MAGI2: variants seen among roughly 807,000 people sequenced by gnomAD.
The protein encoded by MAGI2 is membrane associated guanylate kinase, WW and PDZ domain containing 2, also known as membrane-associated guanylate kinase, WW and PDZ domain-containing protein 2.
A neutral mutation model predicts 133.3 loss-of-function variants in MAGI2; 35 were observed. The observed-to-expected ratio is 0.26, with a 90% CI of 0.20 to 0.35. The LOEUF (loss-of-function observed/expected upper bound fraction) is 0.35, where lower values mean the gene tolerates loss of function less well. MAGI2 is among the 10% of genes least tolerant of loss of function. The pLI, the probability that MAGI2 is intolerant of heterozygous loss-of-function variation, is 1.00. For synonymous variants in MAGI2, 729 were observed against 710.6 expected (o/e 1.03, Z -0.41); for missense variants, 1,636 against 1,863.4 (o/e 0.88, Z 2.25).
At chr7:78,986,137 A>G (rs1233317737) in intron 2 of MAGI2, among the ~76,000 whole-genome samples, 2 of 152,116 alleles carry the variant, frequency 1.3e-5, no homozygotes, top group Non-Finnish European at 2.9e-5. Context: ...AACACTACTT[A>G]GCACTTAGCT....
At chr7:78,785,323 G>A (rs530285413) in intron 2 of MAGI2, among the ~76,000 whole-genome samples, 3 of 152,286 alleles carry the variant, frequency 2.0e-5, no homozygotes, top group African/African-American at 7.2e-5. Flanking sequence ...ACAAAATGGA[G>A]ATTGGATCAT....
chr7:78,645,706 T>C (rs73378284), intron 2 of MAGI2, among the ~76,000 whole-genome samples: 4,358 of 151,734 alleles, frequency 0.029, 196 homozygotes, highest in African/African-American at 0.1. Flanking sequence ...TGTGTCCAAG[T>C]TGTTTATAGA....
At chr7:78,757,182 A>G (rs1824031538) in intron 2 of MAGI2, among the ~76,000 whole-genome samples, 1 of 152,084 alleles carries the variant, frequency 6.6e-6, no homozygotes, top group Non-Finnish European at 1.5e-5. Flanking sequence ...TGTTAATATG[A>G]ATGAATAGAC....
At position 78,491,967 on chromosome 7, in the gene MAGI2, C is replaced by A. The variant is rs181193661; in HGVS notation, c.966-2127G>T. Among the ~76,000 whole-genome samples, 10 of 150,040 alleles carry A rather than the reference C, an allele frequency of 6.7e-5. No individual in the cohort carries two copies. In the East Asian group the frequency reaches 2.0e-3, roughly 30 times the overall value. ...GTGGGGAGAAATCTTGGGAAGTAAG[C>A]AAGGAAAATACATTTCTCTTCCTTT... On this transcript the variant is annotated intron_variant, in intron 5 of 21. Coordinates refer to ENST00000354212, the MANE Select transcript of MAGI2 (RefSeq NM_012301.4).
intron 2 of MAGI2, among the ~76,000 whole-genome samples, chr7:78,982,713 G>C (rs1300178699): frequency 6.8e-6 from 1 of 147,804 alleles, no homozygotes; most frequent in Non-Finnish European, 1.5e-5. Context: ...TGAAAGCCAG[G>C]AAGGAACACC....
intron 3 of MAGI2, among the ~76,000 whole-genome samples, chr7:78,600,691 A>G (rs912991766): frequency 6.6e-6 from 1 of 152,170 alleles, no homozygotes; most frequent in African/African-American, 2.4e-5. Flanking sequence ...TAATTAAAGC[A>G]TCGGTGAATT....
Position 78,878,186 on chromosome 7 carries a change from A to G in MAGI2, c.418+128904T>C, listed in dbSNP as rs190928783. Among the ~76,000 whole-genome samples the G allele has an allele frequency of 3.9e-5, 6 of 152,350 alleles. No homozygotes were observed. The East Asian group carries it at 1.2e-3, about 29-fold the overall frequency. Reference sequence around the variant, plus strand: ...ATCAATATATGTTTATTTTTGCTTCATATATGCCTGACTCAATGAATGAAT... The same window carrying G: ...ATCAATATATGTTTATTTTTGCTTCGTATATGCCTGACTCAATGAATGAAT... On this transcript the variant is annotated intron_variant, in intron 2 of 21. Coordinates refer to ENST00000354212, the MANE Select transcript of MAGI2 (RefSeq NM_012301.4).
At chr7:78,038,620 G>A (rs2428933) in intron 21 of MAGI2, among the ~76,000 whole-genome samples, 89,278 of 152,000 alleles carry the variant, frequency 0.59, 27,446 homozygotes, top group African/African-American at 0.78. Flanking sequence ...CATTTTAACA[G>A]GCTCCCCAGG....
intron 20 of MAGI2, among the ~76,000 whole-genome samples, chr7:78,124,108 G>A (rs1210932078): frequency 2.0e-5 from 3 of 152,174 alleles, no homozygotes. Context: ...AGTCCACCGT[G>A]GGTCTCTATC....
At chr7:78,191,434 A>G (rs1477028014) in intron 12 of MAGI2, among the ~76,000 whole-genome samples, 1 of 152,220 alleles carries the variant, frequency 6.6e-6, no homozygotes, top group Admixed American at 6.5e-5. Context: ...CCTTGTTCAG[A>G]AATCGTTTTT....
intron 1 of MAGI2, among the ~76,000 whole-genome samples, chr7:79,447,100 A>C (rs997126020): frequency 6.6e-6 from 1 of 152,152 alleles, no homozygotes; most frequent in Non-Finnish European, 1.5e-5. Context: ...ACTTAACACA[A>C]ATTTTAACTT....
At chr7:78,380,514 G>A (rs1363522588) in intron 6 of MAGI2, among the ~76,000 whole-genome samples, 1 of 152,120 alleles carries the variant, frequency 6.6e-6, no homozygotes, top group Admixed American at 6.6e-5. Flanking sequence ...AATGTCACAT[G>A]TTCTCACCCA....
chr7:78,174,834 C>A (rs575399665), intron 14 of MAGI2, among the ~76,000 whole-genome samples: 62 of 152,302 alleles, frequency 4.1e-4, no homozygotes, highest in African/African-American at 1.1e-3. Context: ...AGATTGAGGT[C>A]ATCCTTGTGG....
At chr7:78,320,147 A>C (rs1192001762) in intron 9 of MAGI2, among the ~76,000 whole-genome samples, 4 of 152,196 alleles carry the variant, frequency 2.6e-5, no homozygotes, top group Non-Finnish European at 5.9e-5. Context: ...CCAACCAAAA[A>C]GAGTCCAGGA....
intron 9 of MAGI2, among the ~76,000 whole-genome samples, chr7:78,258,912 C>T (rs1793259921): frequency 6.6e-6 from 1 of 152,174 alleles, no homozygotes; most frequent in Non-Finnish European, 1.5e-5. Flanking sequence ...CCCATGCTGG[C>T]ACAGACCATG....
intron 2 of MAGI2, among the ~76,000 whole-genome samples, chr7:78,910,975 C>G (rs1345760448): frequency 1.3e-5 from 2 of 152,162 alleles, no homozygotes; most frequent in Admixed American, 6.5e-5. Context: ...AATTCTATGG[C>G]CTATGTTTTA....
intron 3 of MAGI2, among the ~76,000 whole-genome samples, chr7:78,562,069 A>G (rs1462019698): frequency 6.6e-6 from 1 of 152,192 alleles, no homozygotes; most frequent in Non-Finnish European, 1.5e-5. Flanking sequence ...ACATGCTTCC[A>G]TGGAGTTCAC....
At chr7:78,694,083 C>T (rs1040736783) in intron 2 of MAGI2, among the ~76,000 whole-genome samples, 18 of 152,084 alleles carry the variant, frequency 1.2e-4, no homozygotes, top group Non-Finnish European at 1.3e-4. Flanking sequence ...TGATAATTTC[C>T]TCAGCATGGG....
chr7:79,221,049 T>C (rs571216612), intron 1 of MAGI2, among the ~76,000 whole-genome samples: 1 of 152,060 alleles, frequency 6.6e-6, no homozygotes, highest in South Asian at 2.1e-4. Flanking sequence ...GTGCACCTGA[T>C]GGTAGAAGGG....
Sources: gnomAD v4.1 joint callset for allele counts (sites outside exome capture counted in the v4.1 genomes callset) on GRCh38, gnomAD v4.1.1 for gene constraint, MANE v1.5 for transcripts, NCBI Gene and HGNC (gene_info 2026-07-23, HGNC 2026-07-21) for gene names.